The following SRGAP1 variants were observed in gnomAD, a reference collection of about 807,000 sequenced individuals.
SRGAP1 encodes SLIT-ROBO Rho GTPase activating protein 1.
In SRGAP1, 43 loss-of-function variants were observed where a neutral mutation model predicts 121.9. That is an observed-to-expected ratio of 0.35 (90% CI 0.28 to 0.46). The LOEUF is 0.46. Among genes scored for constraint, SRGAP1 ranks in the 20% least tolerant of loss-of-function variants. The pLI is 1.00. For synonymous variants in SRGAP1, 447 were observed against 485.4 expected, an observed-to-expected ratio of 0.92 and a Z score of 1.04; for missense variants, 1,102 against 1,350.9, an observed-to-expected ratio of 0.82 and a Z score of 2.89.
At chr12:63,973,820 A>G (rs2033023078) in intron 1 of SRGAP1, among the ~76,000 whole-genome samples, 1 of 152,224 alleles carries the variant, frequency 6.6e-6, no homozygotes, top group Non-Finnish European at 1.5e-5. Flanking sequence ...ATTCAGAGAA[A>G]AACATGTGTA....
intron 1 of SRGAP1, among the ~76,000 whole-genome samples, chr12:63,914,299 T>C (rs1436705157): frequency 6.6e-6 from 1 of 152,192 alleles, no homozygotes; most frequent in Non-Finnish European, 1.5e-5. Context: ...CAGTGCTTGG[T>C]ATAAAATCAA....
intron 18 of SRGAP1, among the ~76,000 whole-genome samples, chr12:64,118,275 G>GT (rs1303032720): frequency 1.3e-5 from 2 of 152,030 alleles, no homozygotes; most frequent in African/African-American, 4.8e-5. Flanking sequence ...TTTTGTTTTT[G>GT]TTTTTTGTTT....
chr12:63,917,337 C>A (rs1266773201), intron 1 of SRGAP1, among the ~76,000 whole-genome samples: 1 of 152,128 alleles, frequency 6.6e-6, no homozygotes, highest in Non-Finnish European at 1.5e-5. Context: ...GGAAAAGACT[C>A]CCAGAAAGAC....
rs144356402 is a variant in SRGAP1, at chr12:63,967,275, C to CA, written c.68-16671dup. On this transcript the variant is annotated intron_variant, in intron 1 of 21. Transcript: ENST00000355086. ...TGGCAACATAGTGAGGCCTCATTTCCACTAAAAATAAAAAAACTTAGCCAC... is the reference window on the plus strand; with the variant it reads ...TGGCAACATAGTGAGGCCTCATTTCCAACTAAAAATAAAAAAACTTAGCCAC... 5.2e-3 allele frequency among the ~76,000 whole-genome samples: 790 copies of CA among 152,222 alleles called. 4 individuals carry two copies. The highest frequency in any genetic ancestry group is 0.018 in the African/African-American group (759 of 41,512).
At chr12:64,120,943 T>C (rs2036596309) in intron 18 of SRGAP1, among the ~76,000 whole-genome samples, 1 of 152,080 alleles carries the variant, frequency 6.6e-6, no homozygotes, top group Non-Finnish European at 1.5e-5. Flanking sequence ...TTGTTCATTC[T>C]AGCAGGAGGG....
rs890341151 is a variant in SRGAP1 at position 64,146,902 on chromosome 12, C to G, written c.*4230C>G. 6.7e-6 allele frequency: 1 copy of G among 148,428 alleles called. No homozygotes were observed. Among genetic ancestry groups the G allele is most frequent in the Non-Finnish European group, 1.5e-5 (1 of 67,156 alleles). The allele number at this position is 148,428 out of a possible 1,614,324, so 9.2% of individuals were successfully genotyped here. A position where few individuals can be genotyped will look rare whatever the true frequency, so the allele number is the denominator to read the frequency against. ...TACGTTCTTAAAAAAAAAAAAAAGT[C>G]TATGTGGTATAATCGAGATGGATAC... On this transcript the variant is annotated 3_prime_UTR_variant, in exon 22 of 22. Coordinates refer to ENST00000355086, the MANE Select transcript of SRGAP1 (RefSeq NM_020762.4).
intron 18 of SRGAP1, among the ~76,000 whole-genome samples, chr12:64,120,067 A>G (rs1191950706): frequency 6.6e-6 from 1 of 152,100 alleles, no homozygotes; most frequent in Non-Finnish European, 1.5e-5. Context: ...CACTGTGCCC[A>G]GCCTTTAAAT....
At chr12:63,863,003 A>G (rs1485677114) in intron 1 of SRGAP1, among the ~76,000 whole-genome samples, 3 of 152,086 alleles carry the variant, frequency 2.0e-5, no homozygotes, top group Admixed American at 1.3e-4. Context: ...AAGGCGAGGA[A>G]TGTTTTCTTT....
At chr12:64,036,915 G>A (rs992769977) in intron 4 of SRGAP1, among the ~76,000 whole-genome samples, 3 of 152,162 alleles carry the variant, frequency 2.0e-5, no homozygotes, top group African/African-American at 7.2e-5. Flanking sequence ...CTGGTACCCT[G>A]GCTCTTCTTA....
chr12:64,038,294 A>G (rs1565651530), intron 4 of SRGAP1, among the ~76,000 whole-genome samples: 1 of 152,108 alleles, frequency 6.6e-6, no homozygotes, highest in Non-Finnish European at 1.5e-5. Context: ...TATTGTATAC[A>G]TAGATATATA....
chr12:63,956,003 T>C (rs1427373542), intron 1 of SRGAP1, among the ~76,000 whole-genome samples: 2 of 152,176 alleles, frequency 1.3e-5, no homozygotes, highest in Non-Finnish European at 2.9e-5. Flanking sequence ...AGCTACTGAT[T>C]GTGCAACACA....
intron 1 of SRGAP1, among the ~76,000 whole-genome samples, chr12:63,872,683 C>G (rs1828528557): frequency 6.6e-6 from 1 of 152,176 alleles, no homozygotes; most frequent in Admixed American, 6.5e-5. Context: ...ATAGATTTAT[C>G]AAGGACAGGG....
chr12:64,054,289 A>G (rs1593082221), intron 6 of SRGAP1, among the ~76,000 whole-genome samples: 1 of 152,304 alleles, frequency 6.6e-6, no homozygotes, highest in East Asian at 1.9e-4. Context: ...TATCTGTCAC[A>G]TGTGTTTTAT....
intron 16 of SRGAP1, among the ~76,000 whole-genome samples, chr12:64,109,857 C>T (rs188318157): frequency 3.9e-5 from 6 of 152,246 alleles, no homozygotes; most frequent in Admixed American, 2.0e-4. Context: ...TCAGAAGCCA[C>T]GGTGATTTAT....
At position 64,043,500 on chromosome 12, in the gene SRGAP1, A is replaced by C; in HGVS notation, c.726A>C (p.Glu242Asp). The change falls in exon 6 of 22, where the codon GAA becomes GAC. Residue 242 changes from glutamate (E) to aspartate (D), a missense_variant. Around this residue, in one of 3 missense-constraint regions of SRGAP1, gnomAD observed 747 missense variants for 929.4 expected, o/e 0.80. Coordinates refer to ENST00000355086, the MANE Select transcript of SRGAP1 (RefSeq NM_020762.4). ...TAAAATCAATTAAGGCACGGAACGA[A>C]TATCTCCTAACACTTGAAGCCACCA... is the stretch of plus-strand genomic sequence containing the variant. Reference protein sequence around the residue: ...NKLKSIKARNEYLLTLEATNA... With the variant: ...NKLKSIKARNDYLLTLEATNA... The C allele has an allele frequency of 6.2e-7, 1 of 1,612,748 alleles. No individual in the cohort carries two copies. Among genetic ancestry groups the C allele is most frequent in the Non-Finnish European group, 8.5e-7 (1 of 1,179,248 alleles).
chr12:64,001,777 C>A (rs2033908018), intron 3 of SRGAP1, among the ~76,000 whole-genome samples: 1 of 152,142 alleles, frequency 6.6e-6, no homozygotes, highest in South Asian at 2.1e-4. Context: ...CTTAAAGCCA[C>A]TAAATTTGGA....
intron 1 of SRGAP1, chr12:63,871,686 T>G: frequency 1.3e-6 from 1 of 741,944 alleles, no homozygotes. Context: ...CAGGTAATTT[T>G]TCTATTGCTT....
At chr12:64,129,342 C>A (rs2036748047) in intron 21 of SRGAP1, among the ~76,000 whole-genome samples, 1 of 152,130 alleles carries the variant, frequency 6.6e-6, no homozygotes, top group African/African-American at 2.4e-5. Flanking sequence ...AAGACGTAGG[C>A]TGGGAGGCTA....
At chr12:64,123,655 T>G (rs533332091) in intron 18 of SRGAP1, among the ~76,000 whole-genome samples, 3,108 of 148,742 alleles carry the variant, frequency 0.021, 126 homozygotes, top group African/African-American at 0.072. Context: ...TTTATTTATT[T>G]ATTTATTTAT....
Sources: allele counts gnomAD v4.1 joint callset (sites outside exome capture counted in the v4.1 genomes callset), GRCh38; gene constraint gnomAD v4.1.1; regional missense constraint gnomAD v4.1.1; transcripts MANE v1.5; gene names NCBI Gene and HGNC (gene_info 2026-07-23, HGNC 2026-07-21).